MYO16: variants seen among roughly 807,000 people sequenced by gnomAD.
MYO16 encodes the protein unconventional myosin-XVI.
Under a neutral mutation model 205.3 loss-of-function variants are expected in MYO16, and 94 were observed. The ratio of observed to expected loss-of-function variants is 0.46; its 90% CI spans 0.39 to 0.54. The LOEUF (loss-of-function observed/expected upper bound fraction) is 0.54, where lower values mean the gene tolerates loss of function less well. Among genes scored for constraint, MYO16 ranks in the 20% least tolerant of loss-of-function variants. MYO16 has a pLI of 0.00. For synonymous variants in MYO16, 988 were observed against 954.0 expected (o/e 1.04, Z -0.66); for missense variants, 2,315 against 2,387.5 (o/e 0.97, Z 0.63).
intron 27 of MYO16, among the ~76,000 whole-genome samples, chr13:109,056,802 CA>C (rs1887431936): frequency 6.6e-6 from 1 of 151,586 alleles, no homozygotes; most frequent in Non-Finnish European, 1.5e-5. Context: ...CAGGGGTGGG[CA>C]AAAAGGAAAT....
rs563926710 is a variant in MYO16, at chr13:108,829,481, C to G, written c.1097+6203C>G. Among the ~76,000 whole-genome samples the G allele has an allele frequency of 5.9e-5, 9 of 152,240 alleles. No individual in the cohort carries two copies. The South Asian group carries it at 1.9e-3, about 31-fold the overall frequency. On this transcript the variant is annotated intron_variant, in intron 9 of 34. Coordinates refer to ENST00000457511, the MANE Select transcript of MYO16 (RefSeq NM_001198950.3). ...AACCATATGGAGAAAATCTTATTTT[C>G]TAAGCAGCTGGAAAGAACATCTAAT...
chr13:108,787,589 G>T (rs1457311393), intron 5 of MYO16, among the ~76,000 whole-genome samples: 1 of 152,124 alleles, frequency 6.6e-6, no homozygotes, highest in African/African-American at 2.4e-5. Context: ...CCTATGTAAA[G>T]AATAAAAATA....
At chr13:109,139,761 A>G (rs545165530) in intron 31 of MYO16, among the ~76,000 whole-genome samples, 4 of 152,300 alleles carry the variant, frequency 2.6e-5, no homozygotes, top group Admixed American at 6.5e-5. Context: ...AAATTTTACA[A>G]TGCTTCTTCA....
chr13:108,764,493 G>C (rs1047666008), intron 4 of MYO16, among the ~76,000 whole-genome samples: 1 of 151,120 alleles, frequency 6.6e-6, no homozygotes, highest in Non-Finnish European at 1.5e-5. Flanking sequence ...TTATTAATGA[G>C]GTAAGTGGGC....
At chr13:108,833,357 A>G (rs1033102468) in intron 9 of MYO16, among the ~76,000 whole-genome samples, 2 of 152,036 alleles carry the variant, frequency 1.3e-5, no homozygotes, top group African/African-American at 4.8e-5. Context: ...TAATATTTGG[A>G]TCTTTATCTT....
chr13:109,099,519 A>G (rs978072953), intron 27 of MYO16, among the ~76,000 whole-genome samples: 1 of 152,146 alleles, frequency 6.6e-6, no homozygotes, highest in African/African-American at 2.4e-5. Flanking sequence ...CCCATTCATG[A>G]AAGCTCCACC....
At chr13:108,778,574 G>A (rs9521039) in intron 4 of MYO16, among the ~76,000 whole-genome samples, 51,446 of 151,818 alleles carry the variant, frequency 0.34, 9,878 homozygotes, top group East Asian at 0.63. Context: ...AGCCAAGATC[G>A]CGCCACTGCA....
At chr13:108,784,395 G>T (rs1886396554) in intron 4 of MYO16, among the ~76,000 whole-genome samples, 1 of 152,070 alleles carries the variant, frequency 6.6e-6, no homozygotes. Flanking sequence ...CATGGTTATA[G>T]AAAATATAGC....
intron 13 of MYO16, chr13:108,886,597 C>A (rs369086139): frequency 4.7e-6 from 2 of 426,468 alleles, no homozygotes; most frequent in South Asian, 3.4e-5. Flanking sequence ...GCTCCACCCC[C>A]CGTCCTTCCA....
intron 24 of MYO16, among the ~76,000 whole-genome samples, chr13:109,048,067 TC>T (rs1476679970): frequency 1.3e-5 from 2 of 151,624 alleles, no homozygotes; most frequent in African/African-American, 4.8e-5. Context: ...ATAATGCACT[TC>T]TCTTTTATGG....
At chr13:108,875,502 G>A (rs1879282141) in intron 12 of MYO16, among the ~76,000 whole-genome samples, 1 of 152,072 alleles carries the variant, frequency 6.6e-6, no homozygotes, top group East Asian at 1.9e-4. Context: ...GGTAGTAATG[G>A]ACTATTCCAC....
intron 9 of MYO16, among the ~76,000 whole-genome samples, chr13:108,833,516 T>A (rs534921652): frequency 5.3e-5 from 8 of 152,312 alleles, no homozygotes; most frequent in Non-Finnish European, 1.2e-4. Flanking sequence ...ACATGCCATA[T>A]CTTTACATCT....
chr13:108,807,103 T>C (rs559980578), intron 7 of MYO16, among the ~76,000 whole-genome samples: 7 of 152,324 alleles, frequency 4.6e-5, no homozygotes, highest in Admixed American at 1.3e-4. Flanking sequence ...TTCATATGCT[T>C]GCAGTCTCAT....
chr13:108,903,211 G>A (rs1443051745), intron 15 of MYO16, among the ~76,000 whole-genome samples: 2 of 152,174 alleles, frequency 1.3e-5, no homozygotes, highest in Non-Finnish European at 2.9e-5. Flanking sequence ...AAGATCCATG[G>A]TAGGAAACAA....
chr13:109,008,787 C>T, intron 21 of MYO16, 110 bp from the exon 22 acceptor site: 1 of 582,198 alleles, frequency 1.7e-6, no homozygotes, highest in Non-Finnish European at 3.0e-6. Context: ...TACTATCTAT[C>T]TTGTGTATGC....
chr13:109,168,301 A>G (rs1276708115), intron 33 of MYO16, among the ~76,000 whole-genome samples: 1 of 152,210 alleles, frequency 6.6e-6, no homozygotes, highest in Non-Finnish European at 1.5e-5. Flanking sequence ...TTTAAAAACT[A>G]AGTTTTCTGA....
At chr13:108,782,623 T>A (rs540006598) in intron 4 of MYO16, among the ~76,000 whole-genome samples, 1 of 152,176 alleles carries the variant, frequency 6.6e-6, no homozygotes, top group Non-Finnish European at 1.5e-5. Flanking sequence ...GTCAGAGACC[T>A]TCATGGCAGT....
chr13:108,719,514 C>T (rs950012233), intron 3 of MYO16, among the ~76,000 whole-genome samples: 4 of 151,916 alleles, frequency 2.6e-5, no homozygotes, highest in East Asian at 1.9e-4. Flanking sequence ...TTTCTGCCTG[C>T]GTCATCCCCC....
chr13:108,522,131 A>G, the MYO16 span, among the ~76,000 whole-genome samples: 1 of 152,218 alleles, frequency 6.6e-6, no homozygotes, highest in Non-Finnish European at 1.5e-5. Context: ...TTGCACAGCT[A>G]TTGTTCATGT....
Sources: gnomAD v4.1 joint callset for allele counts (sites outside exome capture counted in the v4.1 genomes callset) on GRCh38, gnomAD v4.1.1 for gene constraint, MANE v1.5 for transcripts, NCBI Gene and HGNC (gene_info 2026-07-23, HGNC 2026-07-21) for gene names.